Variants in TYRO3 observed in about 807,000 individuals in gnomAD.
TYRO3 encodes the protein TYRO3 protein tyrosine kinase, also known as tyrosine-protein kinase receptor TYRO3.
TYRO3 carries 38 observed loss-of-function variants against 95.2 expected under a neutral mutation model. That is an observed-to-expected ratio of 0.40 (90% confidence interval 0.31 to 0.52). The LOEUF is 0.52. TYRO3 is among the 20% of genes least tolerant of loss of function. The pLI is 0.56. For missense variants in TYRO3, 812 were observed against 1,116.4 expected (o/e 0.73, Z 3.89); for synonymous variants, 367 against 432.9 (o/e 0.85, Z 1.89).
chr15:41,567,678 C>T (rs2055741620), intron 7 of TYRO3, 141 bp downstream of exon 7: 1 of 677,286 alleles, frequency 1.5e-6, no homozygotes, highest in South Asian at 4.4e-5. Flanking sequence ...AACTACATAC[C>T]ACCTTGTAAG....
chr15:41,565,043 T>C lies in TYRO3; in HGVS notation c.685T>C (p.Phe229Leu), dbSNP rs1222252671. 6.2e-7 allele frequency: 1 copy of C among 1,612,248 alleles called. No individual in the cohort carries two copies. The change falls in exon 6 of 19, where the codon TTC becomes CTC. Residue 229 changes from phenylalanine (F) to leucine (L), a missense_variant. Phe to Leu is a conservative substitution (Grantham distance 22). Transcript: ENST00000263798. ...GTCCACAGCACTGCCTGCAGCCCCC[T>C]TCAACATCACCGTGACAAAGCTTTC... is the stretch of plus-strand genomic sequence containing the variant. ...VHLQALPAAP[F>L]NITVTKLSSS... is the part of the protein sequence containing the mutation.
intron 9 of TYRO3, among the ~76,000 whole-genome samples, 176 bp downstream of exon 9, chr15:41,569,198 C>T (rs1392045990): frequency 1.3e-5 from 2 of 151,688 alleles, no homozygotes; most frequent in African/African-American, 4.8e-5. Context: ...TGGCTCATGC[C>T]TGTAATCCCA....
intron 15 of TYRO3, 60 bp downstream of exon 15, chr15:41,572,624 G>T: frequency 1.4e-6 from 2 of 1,421,136 alleles, no homozygotes; most frequent in South Asian, 2.5e-5. Context: ...GGCCTGGAAA[G>T]GCATAGAGAC....
intron 3 of TYRO3, 89 bp downstream of exon 3, chr15:41,561,728 A>G: frequency 3.0e-6 from 3 of 1,015,706 alleles, no homozygotes; most frequent in Non-Finnish European, 4.3e-6. Flanking sequence ...ACTCAGTAGA[A>G]GCTGGGCTGC....
intron 9 of TYRO3, 54 bp from the exon 10 acceptor site, chr15:41,569,973 G>C: frequency 6.3e-7 from 1 of 1,583,392 alleles, no homozygotes; most frequent in African/African-American, 1.3e-5. Flanking sequence ...GGAAAGTTCT[G>C]AAGGGACCTC....
intron 6 of TYRO3, among the ~76,000 whole-genome samples, chr15:41,566,323 A>T (rs1232113363): frequency 8.1e-3 from 90 of 11,114 alleles, no homozygotes; most frequent in African/African-American, 0.023. Flanking sequence ...TCTCTATTAA[A>T]AAAAAAAAAA....
At chr15:41,573,922 C>T in intron 18 of TYRO3, 107 bp downstream of exon 18, 1 of 1,137,172 alleles carries the variant, frequency 8.8e-7, no homozygotes, top group Non-Finnish European at 1.2e-6. Context: ...TTGATAGAAA[C>T]ATCCTTGTAG....
intron 4 of TYRO3, 34 bp from the exon 5 acceptor site, chr15:41,564,150 G>A (rs765020875): frequency 8.0e-5 from 126 of 1,579,552 alleles, no homozygotes; most frequent in Admixed American, 3.8e-4. Context: ...TGGGGTTGCT[G>A]CTTGGGGAGC....
intron 5 of TYRO3, 60 bp downstream of exon 5, chr15:41,564,330 C>T: frequency 6.6e-7 from 1 of 1,524,892 alleles, no homozygotes; most frequent in Non-Finnish European, 9.1e-7. Flanking sequence ...AGCGAGCTGT[C>T]CAGCAGTTAG....
In TYRO3 at chr15:41,564,132, G is replaced by T. The variant is rs936072062; in HGVS notation, c.581-52G>T. 5.9e-5 allele frequency: 90 copies of T among 1,520,944 alleles called. No homozygotes were observed. The Admixed American group carries it at 1.5e-3, about 25-fold the overall frequency. The allele number at this position is 1,520,944 out of a possible 1,614,324, so 94.2% of individuals were successfully genotyped here. A position where few individuals can be genotyped will look rare whatever the true frequency, so the allele number is the denominator to read the frequency against. ...CTGAGTATTCCCCTTTCCCAGTCCC[G>T]CACTGAGTGGGGTTGCTGCTTGGGG... On this transcript the variant is annotated intron_variant, in intron 4 of 18. Transcript: ENST00000263798.
At chr15:41,572,241 G>T (rs2055805721) in intron 14 of TYRO3, among the ~76,000 whole-genome samples, 1 of 152,100 alleles carries the variant, frequency 6.6e-6, no homozygotes, top group Non-Finnish European at 1.5e-5. Flanking sequence ...GAAAGGAAGG[G>T]GACAGAAGAT....
rs1360330199 is a variant in TYRO3, at chr15:41,583,184, G to A, written c.*4908G>A. 1 of 151,798 alleles carries A rather than the reference G, an allele frequency of 6.6e-6. No individual in the cohort carries two copies. Among genetic ancestry groups the A allele is most frequent in the Non-Finnish European group, 1.5e-5 (1 of 67,970 alleles). The allele number at this position is 151,798 out of a possible 1,614,324, so 9.4% of individuals were successfully genotyped here. A position where few individuals can be genotyped will look rare whatever the true frequency, so the allele number is the denominator to read the frequency against. On this transcript the variant is annotated 3_prime_UTR_variant, in exon 19 of 19. Coordinates refer to ENST00000263798, the MANE Select transcript of TYRO3 (RefSeq NM_006293.4). Reference sequence around the variant, plus strand: ...GCTAATTTTTTGTATTTTTAGTAGAGACAGGGTTTCACCATGTTAGCCAGG... The same window carrying A: ...GCTAATTTTTTGTATTTTTAGTAGAAACAGGGTTTCACCATGTTAGCCAGG...
chr15:41,573,952 C>A, intron 18 of TYRO3, 137 bp downstream of exon 18: 1 of 898,914 alleles, frequency 1.1e-6, no homozygotes, highest in Non-Finnish European at 1.7e-6. Context: ...TGCACTCCAC[C>A]TCATACTCAC....
Position 41,578,566 on chromosome 15 carries a change from T to C in TYRO3, c.*290T>C, listed in dbSNP as rs1425503830. The C allele has an allele frequency of 6.2e-6, 3 of 481,212 alleles. No homozygotes were observed. Among genetic ancestry groups the C allele is most frequent in the Non-Finnish European group, 1.1e-5 (3 of 269,296 alleles). The allele number at this position is 481,212 out of a possible 1,614,324, so 29.8% of individuals were successfully genotyped here. A position where few individuals can be genotyped will look rare whatever the true frequency, so the allele number is the denominator to read the frequency against. ...CAGGAGTGGGGTGGTTATGTTTCCATGGTTACCATGGGTGTGGATGGCAGT... is the reference window on the plus strand; with the variant it reads ...CAGGAGTGGGGTGGTTATGTTTCCACGGTTACCATGGGTGTGGATGGCAGT... On this transcript the variant is annotated 3_prime_UTR_variant, in exon 19 of 19. Transcript: ENST00000263798.
intron 14 of TYRO3, among the ~76,000 whole-genome samples, chr15:41,571,997 A>T (rs954486901): frequency 4.0e-4 from 33 of 83,262 alleles, no homozygotes; most frequent in African/African-American, 1.1e-3. Flanking sequence ...ACCTCTATTT[A>T]AAAAAAAAAA....
chr15:41,563,865 T>G (rs1346497989), intron 4 of TYRO3, among the ~76,000 whole-genome samples: 1 of 152,208 alleles, frequency 6.6e-6, no homozygotes, highest in Non-Finnish European at 1.5e-5. Context: ...GGGGGCAATT[T>G]GTGCTGTGTG....
At chr15:41,561,914 T>C (rs911337166) in intron 3 of TYRO3, 1 of 328,742 alleles carries the variant, frequency 3.0e-6, no homozygotes, top group Middle Eastern at 9.8e-4. Flanking sequence ...CATCTGGGAC[T>C]GGACCCTGTT....
rs1353587293 is a variant in TYRO3 at position 41,571,599 on chromosome 15, C to T, written c.1665C>T (p.Asp555=). The change falls in exon 14 of 19, where the codon GAC becomes GAT. Residue 555 remains aspartate (D), a synonymous_variant. Transcript: ENST00000263798. ...VKVAVKMLKA[D]IIASSDIEEF... is the part of the protein sequence containing the mutation. The stretch of plus-strand genomic sequence containing the variant: ...TTCCCCATCCCCTTCTCCTAGCTGA[C>T]ATCATTGCCTCAAGCGACATTGAAG... 6.2e-7 allele frequency: 1 copy of T among 1,611,428 alleles called. No homozygotes were observed. The highest frequency in any genetic ancestry group is 8.5e-7 in the Non-Finnish European group (1 of 1,177,742).
At chr15:41,574,580 T>A in intron 18 of TYRO3, 1 of 446,950 alleles carries the variant, frequency 2.2e-6, no homozygotes, top group South Asian at 1.6e-5. Flanking sequence ...AGTTGGAATT[T>A]GAACCTAGAT....
Sources: allele counts gnomAD v4.1 joint callset (sites outside exome capture counted in the v4.1 genomes callset), GRCh38; gene constraint gnomAD v4.1.1; transcripts MANE v1.5; gene names NCBI Gene and HGNC (gene_info 2026-07-23, HGNC 2026-07-21).